Variants in CREB5 observed in about 807,000 individuals in gnomAD.
CREB5 encodes cAMP responsive element binding protein 5, also known as cyclic AMP-responsive element-binding protein 5.
In CREB5, 19 loss-of-function variants were observed where a neutral mutation model predicts 57.1. The ratio of observed to expected loss-of-function variants is 0.33; its 90% CI spans 0.23 to 0.49. The LOEUF (loss-of-function observed/expected upper bound fraction) is 0.49. Among genes scored for constraint, CREB5 ranks in the 20% least tolerant of loss-of-function variants. The probability of loss-of-function intolerance (pLI) is 0.99; values close to 1 mark genes in which losing one functional copy is unlikely to be tolerated. For synonymous variants in CREB5, 238 were observed against 238.3 expected, an observed-to-expected ratio of 1.00 and a Z score of 0.01; for missense variants, 579 against 671.6, an observed-to-expected ratio of 0.86 and a Z score of 1.52.
chr7:28,693,612 G>T (rs537338087), intron 5 of CREB5, among the ~76,000 whole-genome samples: 1 of 152,170 alleles, frequency 6.6e-6, no homozygotes, highest in Admixed American at 6.5e-5. Context: ...GGCCAGATGA[G>T]ATTGGGCCCT....
At chr7:28,741,384 C>A (rs910652596) in intron 7 of CREB5, among the ~76,000 whole-genome samples, 1 of 152,076 alleles carries the variant, frequency 6.6e-6, no homozygotes, top group Non-Finnish European at 1.5e-5. Context: ...CAGCCACCCC[C>A]ACCCTGCCAT....
intron 5 of CREB5, among the ~76,000 whole-genome samples, chr7:28,703,053 A>G (rs1801944110): frequency 6.6e-6 from 1 of 152,230 alleles, no homozygotes. Context: ...AAGATACTGA[A>G]AAAACATCCT....
intron 3 of CREB5, among the ~76,000 whole-genome samples, chr7:28,506,284 A>C (rs971190436): frequency 6.6e-6 from 1 of 152,246 alleles, no homozygotes. Context: ...TAGAAAAGTA[A>C]ATATAATTCT....
intron 1 of CREB5, among the ~76,000 whole-genome samples, chr7:28,480,365 G>A (rs17718348): frequency 3.3e-5 from 5 of 152,006 alleles, no homozygotes; most frequent in African/African-American, 7.3e-5. Context: ...ACTGAATTTC[G>A]TTGCTATCAT....
intron 1 of CREB5, among the ~76,000 whole-genome samples, chr7:28,477,311 T>C (rs1332260031): frequency 2.6e-5 from 4 of 152,192 alleles, no homozygotes; most frequent in Non-Finnish European, 5.9e-5. Context: ...GCATGTCTCA[T>C]AGGCCTTCTC....
At chr7:28,647,171 G>A (rs1244637437) in intron 5 of CREB5, among the ~76,000 whole-genome samples, 1 of 151,258 alleles carries the variant, frequency 6.6e-6, no homozygotes, top group East Asian at 2.0e-4. Flanking sequence ...CAGCAGTGAT[G>A]GTGGCCAGTG....
At position 28,464,496 on chromosome 7, in the gene CREB5, C is replaced by CGTGTGTGTGTGT. The variant is rs71555745; in HGVS notation, c.4-23648_4-23637dup. 3.7e-3 allele frequency among the ~76,000 whole-genome samples: 523 copies of CGTGTGTGTGTGT among 139,646 alleles called. 5 individuals are homozygous for CGTGTGTGTGTGT. The highest frequency in any genetic ancestry group is 0.013 in the African/African-American group (474 of 36,772). The allele number at this position is 139,646 out of a possible 152,430, so 91.6% of individuals were successfully genotyped here. ...CTGATCTCTCCTTTGTGGAAAGTTGCGTGTGTGTGTGTGTGTGTGTGTGTG... is the reference window on the plus strand; with the variant it reads ...CTGATCTCTCCTTTGTGGAAAGTTGCGTGTGTGTGTGTGTGTGTGTGTGTGTGTGTGTGTGTG... On this transcript the variant is annotated intron_variant, in intron 1 of 10. Coordinates refer to ENST00000357727, the MANE Select transcript of CREB5 (RefSeq NM_182898.4).
chr7:28,774,871 T>G (rs868509532), intron 7 of CREB5, among the ~76,000 whole-genome samples: 2 of 152,192 alleles, frequency 1.3e-5, no homozygotes, highest in Non-Finnish European at 2.9e-5. Context: ...AGCAAACTGT[T>G]TACTCAGCTG....
At chr7:28,387,669 GAGCTA>G (rs1787139328) in intron 1 of CREB5, among the ~76,000 whole-genome samples, 1 of 152,074 alleles carries the variant, frequency 6.6e-6, no homozygotes, top group Admixed American at 6.5e-5. Flanking sequence ...TCAGGAAGAA[GAGCTA>G]GTGGATGCTG....
chr7:28,614,952 CA>C (rs1336378895), intron 5 of CREB5: 2 of 152,214 alleles, frequency 1.3e-5, no homozygotes, highest in African/African-American at 4.8e-5. Context: ...AAAGTAACCA[CA>C]ATACCATTTC....
chr7:28,534,367 G>C (rs759146365), intron 4 of CREB5, among the ~76,000 whole-genome samples: 2 of 152,164 alleles, frequency 1.3e-5, no homozygotes, highest in Non-Finnish European at 2.9e-5. Flanking sequence ...GTCCTCCCCC[G>C]CGAGCCCTCT....
intron 1 of CREB5, among the ~76,000 whole-genome samples, chr7:28,452,876 G>A (rs1789892266): frequency 6.6e-6 from 1 of 152,222 alleles, no homozygotes; most frequent in Non-Finnish European, 1.5e-5. Context: ...GGATCAAGGA[G>A]GGGTGGGACC....
intron 4 of CREB5, among the ~76,000 whole-genome samples, chr7:28,564,371 T>C (rs927980156): frequency 6.6e-6 from 1 of 152,246 alleles, no homozygotes; most frequent in African/African-American, 2.4e-5. Flanking sequence ...CTTTCAATTG[T>C]GGTCCATTCC....
chr7:28,736,962 A>C (rs1804018705), intron 7 of CREB5, among the ~76,000 whole-genome samples: 1 of 151,882 alleles, frequency 6.6e-6, no homozygotes, highest in South Asian at 2.1e-4. Flanking sequence ...ACACAACCAC[A>C]CTGTAATCCT....
intron 1 of CREB5, 146 bp from the exon 2 acceptor site, chr7:28,488,029 A>G: frequency 1.6e-6 from 1 of 643,194 alleles, no homozygotes; most frequent in Non-Finnish European, 2.7e-6. Flanking sequence ...GCCTGTGCTC[A>G]CTCACATTAA....
intron 1 of CREB5, among the ~76,000 whole-genome samples, chr7:28,339,979 T>C (rs1785902378): frequency 6.6e-6 from 1 of 152,104 alleles, no homozygotes; most frequent in Non-Finnish European, 1.5e-5. Flanking sequence ...GCCCAAGAGC[T>C]CTTTAGTTAA....
chr7:28,792,102 C>T (rs946988793), intron 7 of CREB5, among the ~76,000 whole-genome samples: 5 of 152,056 alleles, frequency 3.3e-5, no homozygotes, highest in Non-Finnish European at 7.4e-5. Context: ...GCCAGGGGTT[C>T]GAGACCAGCC....
intron 5 of CREB5, among the ~76,000 whole-genome samples, chr7:28,634,367 A>G (rs544406564): frequency 1.3e-5 from 2 of 152,344 alleles, no homozygotes; most frequent in South Asian, 4.1e-4. Flanking sequence ...GGAAGGGTAA[A>G]TGATGTCTAT....
intron 4 of CREB5, among the ~76,000 whole-genome samples, chr7:28,560,845 C>CGTGCGCGCGT (rs1396686194): frequency 2.9e-4 from 12 of 41,310 alleles, no homozygotes; most frequent in Non-Finnish European, 4.5e-4. Context: ...TGTGTGTGTG[C>CGTGCGCGCGT]GCGTGTGTGT....
Sources: allele counts gnomAD v4.1 joint callset (sites outside exome capture counted in the v4.1 genomes callset), GRCh38; gene constraint gnomAD v4.1.1; transcripts MANE v1.5; gene names NCBI Gene and HGNC (gene_info 2026-07-23, HGNC 2026-07-21).